Variants in DGKI observed in about 807,000 individuals in gnomAD.
DGKI encodes diacylglycerol kinase iota.
In DGKI, 55 loss-of-function variants were observed where a neutral mutation model predicts 147.5. The ratio of observed to expected loss-of-function variants is 0.37; its 90% CI spans 0.30 to 0.47. The LOEUF (loss-of-function observed/expected upper bound fraction) is 0.47. Among genes scored for constraint, DGKI ranks in the 20% least tolerant of loss-of-function variants. The pLI, the probability that DGKI is intolerant of heterozygous loss-of-function variation, is 1.00. For missense variants in DGKI, 1,007 were observed against 1,323.8 expected (o/e 0.76, Z 3.71); for synonymous variants, 469 against 477.1 (o/e 0.98, Z 0.22).
intron 1 of DGKI, among the ~76,000 whole-genome samples, chr7:137,694,608 G>C (rs1361663084): frequency 6.6e-6 from 1 of 152,148 alleles, no homozygotes; most frequent in African/African-American, 2.4e-5. Context: ...ATTAGAGACT[G>C]GTGAACTCAT....
intron 3 of DGKI, among the ~76,000 whole-genome samples, chr7:137,665,882 A>G (rs1822621514): frequency 6.6e-6 from 1 of 152,274 alleles, no homozygotes; most frequent in African/African-American, 2.4e-5. Context: ...TATAAGAACT[A>G]GAAAGACACA....
Position 137,846,951 on chromosome 7 carries a change from C to A in DGKI, c.-89G>T, listed in dbSNP as rs117303154. The A allele has an allele frequency of 0.064, 61,485 of 967,824 alleles. 3,426 individuals carry two copies. The highest frequency in any genetic ancestry group is 0.28 in the African/African-American group (16,040 of 57,090). The allele number at this position is 967,824 out of a possible 1,614,324, so 60.0% of individuals were successfully genotyped here. On this transcript the variant is annotated 5_prime_UTR_variant, in exon 1 of 33. Transcript: ENST00000614521. This position sits in a 1 kb window ranked among gnomAD's most constrained non-coding sequence, Gnocchi z 4.0. ...AGAGGCCGCCGCTCCCCGCCTCCCG[C>A]GCCCTCCCGCGCCGGCCCGCACCCT...
In DGKI at chr7:137,407,976, T is replaced by G. The variant is rs753180905; in HGVS notation, c.2819A>C (p.Asn940Thr). 7 of 1,587,868 alleles carry G rather than the reference T, an allele frequency of 4.4e-6. No individual in the cohort carries two copies. Among genetic ancestry groups the G allele is most frequent in the Non-Finnish European group, 2.6e-6 (3 of 1,172,428 alleles). The change falls in exon 30 of 33, where the codon AAT becomes ACT. Residue 940 changes from asparagine to threonine, a missense_variant. Physicochemically the swap from Asn to Thr is moderately conservative, Grantham distance 65. Coordinates refer to ENST00000614521, the MANE Select transcript of DGKI (RefSeq NM_001321708.2). ...DLMKLIESYKNGGSLLIQGPD... is the reference protein window; with the variant it reads ...DLMKLIESYKTGGSLLIQGPD... ...TCCCTGAATTAGCAGACTGCCTCCA[T>G]TTTTATAGCTTTCTATTAGCTGCAA...
At chr7:137,452,845 C>T (rs1470637502) in intron 27 of DGKI, 3 of 152,184 alleles carry the variant, frequency 2.0e-5, no homozygotes, top group Admixed American at 2.0e-4. Context: ...TCCAGTCTTT[C>T]CTGGATAGAA....
Position 137,392,512 on chromosome 7 carries a change from C to T in DGKI, c.3058-1176G>A, listed in dbSNP as rs1322806261. On this transcript the variant is annotated intron_variant, in intron 32 of 32. Transcript: ENST00000614521. ...ATCAGAGACTTCTCAGCTTTCATCT[C>T]GGCTATCCCAACAGATACTGGCGAC... Among the ~76,000 whole-genome samples the T allele has an allele frequency of 3.3e-5, 5 of 152,182 alleles. No homozygotes were observed. The East Asian group carries it at 5.8e-4, about 18-fold the overall frequency.
At chr7:137,782,851 C>T (rs531531768) in intron 1 of DGKI, among the ~76,000 whole-genome samples, 3 of 152,336 alleles carry the variant, frequency 2.0e-5, no homozygotes, top group Admixed American at 2.0e-4. Flanking sequence ...CAGCTCAGAG[C>T]TCTGTAGCTC....
chr7:137,635,156 C>A (rs1277200570), intron 6 of DGKI, among the ~76,000 whole-genome samples: 1 of 152,112 alleles, frequency 6.6e-6, no homozygotes, highest in Non-Finnish European at 1.5e-5. Context: ...ATGAGCCATC[C>A]CATTGATGGA....
chr7:137,619,232 A>G (rs796407933), intron 8 of DGKI, among the ~76,000 whole-genome samples: 4 of 152,344 alleles, frequency 2.6e-5, no homozygotes, highest in African/African-American at 9.6e-5. Context: ...TTCCCTGAAT[A>G]CTGAGGTGGA....
At chr7:137,553,541 T>C (rs983208713) in intron 19 of DGKI, among the ~76,000 whole-genome samples, 5 of 143,118 alleles carry the variant, frequency 3.5e-5, no homozygotes, top group Non-Finnish European at 7.4e-5. Context: ...GTATAACCTC[T>C]TCTGACTTAG....
chr7:137,441,869 C>T (rs1374674731), intron 28 of DGKI, among the ~76,000 whole-genome samples: 1 of 152,048 alleles, frequency 6.6e-6, no homozygotes, highest in Non-Finnish European at 1.5e-5. Context: ...GTTGCAATGC[C>T]ATTATTGTGT....
At chr7:137,484,942 A>G (rs1239064720) in intron 23 of DGKI, among the ~76,000 whole-genome samples, 1 of 152,070 alleles carries the variant, frequency 6.6e-6, no homozygotes, top group Non-Finnish European at 1.5e-5. Flanking sequence ...AAAGTCATCT[A>G]GCCCAGAGGT....
At chr7:137,455,109 A>C (rs938345101) in intron 27 of DGKI, among the ~76,000 whole-genome samples, 3 of 152,172 alleles carry the variant, frequency 2.0e-5, no homozygotes, top group African/African-American at 7.2e-5. Flanking sequence ...TCCCAGTTTT[A>C]GAAAATGGGA....
chr7:137,403,012 C>G (rs1227936188), intron 30 of DGKI, among the ~76,000 whole-genome samples: 2 of 151,910 alleles, frequency 1.3e-5, no homozygotes, highest in South Asian at 4.2e-4. Flanking sequence ...AACAAAAGAG[C>G]AGAGTGTGCA....
At chr7:137,703,308 C>T (rs796832219) in intron 1 of DGKI, among the ~76,000 whole-genome samples, 4 of 152,306 alleles carry the variant, frequency 2.6e-5, no homozygotes, top group East Asian at 1.9e-4. Context: ...AATCCACCCA[C>T]GTGATCCAAT....
At chr7:137,714,115 T>C (rs768209599) in intron 1 of DGKI, among the ~76,000 whole-genome samples, 2 of 152,240 alleles carry the variant, frequency 1.3e-5, no homozygotes, top group Admixed American at 6.5e-5. Flanking sequence ...TCAAAGAAAG[T>C]AGTTTTTTTA....
At chr7:137,675,908 C>G (rs1823020983) in intron 3 of DGKI, among the ~76,000 whole-genome samples, 1 of 152,172 alleles carries the variant, frequency 6.6e-6, no homozygotes, top group Non-Finnish European at 1.5e-5. Context: ...ATTAACTCTT[C>G]AAATACTGGA....
intron 17 of DGKI, among the ~76,000 whole-genome samples, chr7:137,573,360 C>T (rs1396527603): frequency 2.0e-5 from 3 of 152,170 alleles, no homozygotes; most frequent in Non-Finnish European, 4.4e-5. Context: ...CTATGTACCG[C>T]AAACTTTTGA....
chr7:137,602,323 G>C (rs1423910727), intron 10 of DGKI, among the ~76,000 whole-genome samples: 1 of 152,126 alleles, frequency 6.6e-6, no homozygotes, highest in African/African-American at 2.4e-5. Flanking sequence ...AAAAAGCATT[G>C]AGAGGTTGTT....
At chr7:137,399,468 G>A (rs114267629) in intron 30 of DGKI, among the ~76,000 whole-genome samples, 16 of 152,244 alleles carry the variant, frequency 1.1e-4, no homozygotes, top group Non-Finnish European at 1.8e-4. Context: ...GACCAGGGGC[G>A]AGGTTTCTGG....
Sources: allele counts gnomAD v4.1 joint callset (sites outside exome capture counted in the v4.1 genomes callset), GRCh38; gene constraint gnomAD v4.1.1; non-coding constraint Gnocchi (gnomAD v3.1); transcripts MANE v1.5; gene names NCBI Gene and HGNC (gene_info 2026-07-23, HGNC 2026-07-21).